Variants in WWOX observed in about 807,000 individuals in gnomAD.
WWOX encodes the protein WW domain-containing oxidoreductase.
Under a neutral mutation model 46.2 loss-of-function variants are expected in WWOX, and 69 were observed. That is an observed-to-expected ratio of 1.49 (90% confidence interval 1.23 to 1.82). WWOX has a LOEUF of 1.82. WWOX is among the 40% of genes most tolerant of loss of function. The pLI is 0.00. For synonymous variants in WWOX, 359 were observed against 202.6 expected (o/e 1.77, Z -6.56); for missense variants, 919 against 542.6 (o/e 1.69, Z -6.89).
At chr16:78,588,991 G>A (rs1269476582) in intron 8 of WWOX, among the ~76,000 whole-genome samples, 1 of 152,282 alleles carries the variant, frequency 6.6e-6, no homozygotes, top group East Asian at 1.9e-4. Context: ...TGCTGGGAAT[G>A]TGGCCATCAT....
intron 5 of WWOX, among the ~76,000 whole-genome samples, chr16:78,306,852 A>C (rs1172349731): frequency 2.0e-5 from 3 of 151,384 alleles, no homozygotes; most frequent in African/African-American, 7.3e-5. Flanking sequence ...CACAATCCCC[A>C]CTGAGCCCCA....
intron 8 of WWOX, among the ~76,000 whole-genome samples, chr16:78,485,273 C>T (rs1474964963): frequency 6.6e-6 from 1 of 152,180 alleles, no homozygotes; most frequent in Non-Finnish European, 1.5e-5. Flanking sequence ...TGCACATTTT[C>T]AATGAAACTA....
intron 8 of WWOX, among the ~76,000 whole-genome samples, chr16:79,080,661 G>A (rs943930634): frequency 2.6e-5 from 4 of 152,100 alleles, no homozygotes; most frequent in Non-Finnish European, 4.4e-5. Flanking sequence ...CCGGCATCGG[G>A]GTCTTGTTGA....
At chr16:79,048,446 G>C (rs1016660996) in intron 8 of WWOX, among the ~76,000 whole-genome samples, 7 of 152,034 alleles carry the variant, frequency 4.6e-5, no homozygotes, top group Admixed American at 6.6e-5. Flanking sequence ...TAGGGCTTCA[G>C]AGTTCACGTG....
chr16:78,656,676 T>C (rs973195686), intron 8 of WWOX, among the ~76,000 whole-genome samples: 1 of 152,156 alleles, frequency 6.6e-6, no homozygotes, highest in South Asian at 2.1e-4. Flanking sequence ...TGCAGTTTGA[T>C]GTGAAATTTT....
chr16:78,341,938 A>G (rs1176146767), intron 5 of WWOX, among the ~76,000 whole-genome samples: 1 of 109,108 alleles, frequency 9.2e-6, no homozygotes, highest in East Asian at 2.0e-4. Flanking sequence ...CAACATAGCA[A>G]GACCTCATCT....
At chr16:78,938,938 C>A (rs2045796955) in intron 8 of WWOX, among the ~76,000 whole-genome samples, 1 of 152,068 alleles carries the variant, frequency 6.6e-6, no homozygotes, top group Non-Finnish European at 1.5e-5. Context: ...TGGCTTAGCA[C>A]AACTGAAAAA....
At chr16:78,941,853 C>T (rs184331618) in intron 8 of WWOX, among the ~76,000 whole-genome samples, 10 of 152,162 alleles carry the variant, frequency 6.6e-5, no homozygotes, top group Admixed American at 2.0e-4. Context: ...TTTTTGTAAT[C>T]ATGGTGGTTC....
At chr16:78,105,879 G>A (rs1298543339) in intron 1 of WWOX, among the ~76,000 whole-genome samples, 2 of 152,110 alleles carry the variant, frequency 1.3e-5, no homozygotes, top group Non-Finnish European at 2.9e-5. Flanking sequence ...TTGGCTCACT[G>A]CAACCTCCAC....
At chr16:78,680,970 C>T (rs1366167264) in intron 8 of WWOX, among the ~76,000 whole-genome samples, 1 of 151,986 alleles carries the variant, frequency 6.6e-6, no homozygotes. Context: ...AAATTTAGGC[C>T]ATACTTAGTG....
At chr16:78,706,289 A>T (rs546358603) in intron 8 of WWOX, among the ~76,000 whole-genome samples, 1 of 152,134 alleles carries the variant, frequency 6.6e-6, no homozygotes, top group East Asian at 1.9e-4. Flanking sequence ...TGTCAGTCTC[A>T]CACACATCCT....
intron 4 of WWOX, among the ~76,000 whole-genome samples, chr16:78,149,881 T>C (rs936702392): frequency 1.3e-5 from 2 of 152,136 alleles, no homozygotes; most frequent in African/African-American, 2.4e-5. Flanking sequence ...AAACACTGTG[T>C]CTTCCTCTTC....
chr16:78,996,297 C>G, intron 8 of WWOX: 1 of 983,672 alleles, frequency 1.0e-6, no homozygotes, highest in Non-Finnish European at 1.2e-6. Context: ...GAAGATGGAT[C>G]TTGCCTTGTG....
chr16:78,929,099 A>C (rs1224095040), intron 8 of WWOX, among the ~76,000 whole-genome samples: 2 of 152,216 alleles, frequency 1.3e-5, no homozygotes, highest in Admixed American at 1.3e-4. Flanking sequence ...TCATGTCAAA[A>C]TAATCAAAAT....
In WWOX at chr16:78,977,962, G is replaced by C. The variant is rs142377314; in HGVS notation, c.1057-233646G>C. ...GTTCAATAGCAGTACATTCACAATG[G>C]TGTGTAAATACCGCATCTATTTCCA... On this transcript the variant is annotated intron_variant, in intron 8 of 8. Transcript: ENST00000566780. 1.7e-4 allele frequency among the ~76,000 whole-genome samples: 17 copies of C among 101,072 alleles called. No homozygotes were observed. The East Asian group carries it at 3.5e-3, about 21-fold the overall frequency. 66.3% of individuals were successfully genotyped at this position (101,072 alleles called of 152,430 possible). A position where few individuals can be genotyped will look rare whatever the true frequency, so the allele number is the denominator to read the frequency against.
rs1300916358 is a variant in WWOX, at chr16:78,357,568, G to A, written c.517-29292G>A. On this transcript the variant is annotated intron_variant, in intron 5 of 8. Transcript: ENST00000566780. Reference sequence around the variant, plus strand: ...AATTGGGCATAATCAGAGAAAACGTGGTCTGGGACACATTTGTGGGCTATT... The same window carrying A: ...AATTGGGCATAATCAGAGAAAACGTAGTCTGGGACACATTTGTGGGCTATT... 3.3e-5 allele frequency among the ~76,000 whole-genome samples: 5 copies of A among 152,080 alleles called. No individual in the cohort carries two copies. The East Asian group carries it at 7.7e-4, about 23-fold the overall frequency.
chr16:79,118,925 T>A (rs1241761888), intron 8 of WWOX, among the ~76,000 whole-genome samples: 1 of 152,258 alleles, frequency 6.6e-6, no homozygotes, highest in Non-Finnish European at 1.5e-5. Context: ...TTCTATGTTG[T>A]TGGTCATTTA....
chr16:78,956,808 G>T lies in WWOX; in HGVS notation c.1057-254800G>T, dbSNP rs537577646. On this transcript the variant is annotated intron_variant, in intron 8 of 8. Coordinates refer to ENST00000566780, the MANE Select transcript of WWOX (RefSeq NM_016373.4). ...GTAGGGGAAACAAAGAGGGCAACAG[G>T]AGGTCACGAAGGCATGCTGTGCCCA... Among the ~76,000 whole-genome samples the T allele has an allele frequency of 5.1e-4, 78 of 152,272 alleles. 1 individual carries two copies. The highest frequency in any genetic ancestry group is 5.9e-4 in the Non-Finnish European group (40 of 68,020).
intron 8 of WWOX, among the ~76,000 whole-genome samples, chr16:78,598,887 T>G (rs1183901603): frequency 6.6e-6 from 1 of 152,172 alleles, no homozygotes; most frequent in Non-Finnish European, 1.5e-5. Flanking sequence ...GGCACTGTTC[T>G]AAACACATGA....
Sources: allele counts gnomAD v4.1 joint callset (sites outside exome capture counted in the v4.1 genomes callset), GRCh38; gene constraint gnomAD v4.1.1; transcripts MANE v1.5; gene names NCBI Gene and HGNC (gene_info 2026-07-23, HGNC 2026-07-21).